The following CNIH4 variants were observed in gnomAD, a reference collection of about 807,000 sequenced individuals.
The protein encoded by CNIH4 is protein cornichon homolog 4.
CNIH4 carries 9 observed loss-of-function variants against 21.5 expected under a neutral mutation model. The ratio of observed to expected loss-of-function variants is 0.42; its 90% CI spans 0.25 to 0.73. CNIH4 has a LOEUF of 0.73. Among genes scored for constraint, CNIH4 ranks in the 30% least tolerant of loss-of-function variants. The probability of loss-of-function intolerance (pLI) is 0.27; values close to 1 mark genes in which losing one functional copy is unlikely to be tolerated. For synonymous variants in CNIH4, 67 were observed against 59.1 expected (o/e 1.13, Z -0.61); for missense variants, 159 against 170.0 (o/e 0.94, Z 0.36).
At chr1:224,369,012 G>A (rs1272792120) in intron 3 of CNIH4, among the ~76,000 whole-genome samples, 2 of 150,950 alleles carry the variant, frequency 1.3e-5, no homozygotes, top group East Asian at 1.9e-4. Context: ...CCTGTTATAA[G>A]CATTAATATA....
intron 4 of CNIH4, among the ~76,000 whole-genome samples, chr1:224,373,127 A>G (rs1672680033): frequency 6.6e-6 from 1 of 152,148 alleles, no homozygotes; most frequent in Non-Finnish European, 1.5e-5. Flanking sequence ...CTCATACCCT[A>G]CCTCATTACT....
intron 3 of CNIH4, among the ~76,000 whole-genome samples, chr1:224,369,162 C>T (rs934558519): frequency 7.9e-5 from 12 of 152,056 alleles, no homozygotes; most frequent in African/African-American, 2.9e-4. Context: ...GCTGAATGGT[C>T]TATTATGGTA....
chr1:224,376,463 T>C lies in CNIH4; in HGVS notation c.*641T>C. Reference sequence around the variant, plus strand: ...AAAGGAAATATTTTGTCAAGAGCTTTCATTTAAAAGCTACTACCTCCACAA... The same window carrying C: ...AAAGGAAATATTTTGTCAAGAGCTTCCATTTAAAAGCTACTACCTCCACAA... On this transcript the variant is annotated 3_prime_UTR_variant, in exon 5 of 5. Transcript: ENST00000465271. 1 of 985,416 alleles carries C rather than the reference T, an allele frequency of 1.0e-6. No individual in the cohort carries two copies. The highest frequency in any genetic ancestry group is 1.2e-6 in the Non-Finnish European group (1 of 829,918). 61.0% of individuals were successfully genotyped at this position (985,416 alleles called of 1,614,324 possible). A position where few individuals can be genotyped will look rare whatever the true frequency, so the allele number is the denominator to read the frequency against.
At chr1:224,367,619 T>C (rs1189545075) in intron 3 of CNIH4, among the ~76,000 whole-genome samples, 1 of 152,022 alleles carries the variant, frequency 6.6e-6, no homozygotes, top group Non-Finnish European at 1.5e-5. Context: ...ACTACAGCCT[T>C]GAACTCCTGG....
intron 4 of CNIH4, 130 bp downstream of exon 4, chr1:224,371,553 G>A: frequency 1.1e-6 from 1 of 889,970 alleles, no homozygotes; most frequent in Non-Finnish European, 1.7e-6. Flanking sequence ...TTGTGGCTGT[G>A]TAGATTATTT....
chr1:224,367,095 T>C (rs1672484710), intron 3 of CNIH4, among the ~76,000 whole-genome samples: 1 of 152,188 alleles, frequency 6.6e-6, no homozygotes, highest in South Asian at 2.1e-4. Context: ...TTATTAGACA[T>C]AGCATACTTT....
chr1:224,377,042 A>G lies in CNIH4; in HGVS notation c.*1220A>G. 6.5e-6 allele frequency: 3 copies of G among 458,146 alleles called. No individual in the cohort carries two copies. Among genetic ancestry groups the G allele is most frequent in the South Asian group, 1.9e-4 (2 of 10,696 alleles). 28.4% of individuals were successfully genotyped at this position (458,146 alleles called of 1,614,324 possible). A position where few individuals can be genotyped will look rare whatever the true frequency, so the allele number is the denominator to read the frequency against. On this transcript the variant is annotated 3_prime_UTR_variant, in exon 5 of 5. Transcript: ENST00000465271. ...TGGTACCCAAAAGATTAAATGTTAC[A>G]TGTCCTTTTAGTCCTTGACCAGGTC...
chr1:224,371,218 A>C, intron 3 of CNIH4, 65 bp from the exon 4 acceptor site: 2 of 1,512,370 alleles, frequency 1.3e-6, no homozygotes, highest in Non-Finnish European at 1.8e-6. Flanking sequence ...TTGGCTACTT[A>C]TATTTGAATA....
At chr1:224,371,652 C>T (rs1448626374) in intron 4 of CNIH4, among the ~76,000 whole-genome samples, 2 of 152,154 alleles carry the variant, frequency 1.3e-5, no homozygotes, top group African/African-American at 4.8e-5. Flanking sequence ...AGGCTATCCA[C>T]ATGCTTAAAA....
At position 224,378,155 on chromosome 1, in the gene CNIH4, A is replaced by G. The variant is rs1358109980; in HGVS notation, c.*2333A>G. The G allele has an allele frequency of 1.3e-5, 2 of 152,254 alleles. No homozygotes were observed. Among genetic ancestry groups the G allele is most frequent in the African/African-American group, 4.8e-5 (2 of 41,390 alleles). The allele number at this position is 152,254 out of a possible 1,614,324, so 9.4% of individuals were successfully genotyped here. A position where few individuals can be genotyped will look rare whatever the true frequency, so the allele number is the denominator to read the frequency against. On this transcript the variant is annotated 3_prime_UTR_variant, in exon 5 of 5. Coordinates refer to ENST00000465271, the MANE Select transcript of CNIH4 (RefSeq NM_014184.4). ...CTGCAGCCTTGAACTCCTGGACTCA[A>G]GCAGTCCTCCTGCCTCAGCTTCCCA...
chr1:224,374,626 G>T (rs1439761827), intron 4 of CNIH4, among the ~76,000 whole-genome samples: 10 of 149,902 alleles, frequency 6.7e-5, no homozygotes, highest in Non-Finnish European at 1.5e-4. Flanking sequence ...TGTTGGTCAG[G>T]TGATCCACCC....
Position 224,378,589 on chromosome 1 carries a change from G to GTGT in CNIH4, c.*2771_*2773dup, listed in dbSNP as rs1384109947. On this transcript the variant is annotated 3_prime_UTR_variant, in exon 5 of 5. Transcript: ENST00000465271. ...TGCTGAGGCCTAGAGATCGTTCAGG[G>GTGT]TGTTGTAACTGGGAACATCTGAATG... 2.3e-5 allele frequency: 3 copies of GTGT among 129,554 alleles called. No individual in the cohort carries two copies. The highest frequency in any genetic ancestry group is 4.9e-5 in the Non-Finnish European group (3 of 61,064). 8.0% of individuals were successfully genotyped at this position (129,554 alleles called of 1,614,324 possible). A position where few individuals can be genotyped will look rare whatever the true frequency, so the allele number is the denominator to read the frequency against.
intron 2 of CNIH4, among the ~76,000 whole-genome samples, chr1:224,364,677 G>C (rs917748963): frequency 6.6e-6 from 1 of 152,194 alleles, no homozygotes; most frequent in Non-Finnish European, 1.5e-5. Flanking sequence ...GCTCACGCCT[G>C]TAATCCCAGC....
chr1:224,360,146 G>T (rs1672236596), intron 1 of CNIH4, among the ~76,000 whole-genome samples: 1 of 152,000 alleles, frequency 6.6e-6, no homozygotes. Context: ...TGTTGCCTAT[G>T]CTGATCTTGA....
chr1:224,371,258 A>T (rs1672618428), intron 3 of CNIH4, 25 bp from the exon 4 acceptor site: 1 of 1,598,056 alleles, frequency 6.3e-7, no homozygotes, highest in Admixed American at 1.8e-5. Context: ...TATCCTTCTA[A>T]TGTGTGTATC....
chr1:224,367,342 C>T (rs986226835), intron 3 of CNIH4, among the ~76,000 whole-genome samples: 1 of 151,924 alleles, frequency 6.6e-6, no homozygotes, highest in African/African-American at 2.4e-5. Context: ...AAGATAATGG[C>T]AGCAGTAGAG....
rs1411530555 is a variant in CNIH4 at position 224,365,881 on chromosome 1, G to C, written c.141G>C (p.Trp47Cys). 6.3e-7 allele frequency: 1 copy of C among 1,578,638 alleles called. No homozygotes were observed. The highest frequency in any genetic ancestry group is 8.7e-7 in the Non-Finnish European group (1 of 1,147,756). ...AATACTGTGTTCTTCCATTGCAGTG[G>C]GTAATTCCAGAATTGATTGGCCATA... is the stretch of plus-strand genomic sequence containing the variant. ...ARSCCSKLNK[W>C]VIPELIGHTI... Residue 47 changes from tryptophan to cysteine, a missense_variant and splice_region_variant, in exon 3 of 5, where the codon TGG becomes TGC. Coordinates refer to ENST00000465271, the MANE Select transcript of CNIH4 (RefSeq NM_014184.4).
chr1:224,361,402 G>A (rs898048644), intron 2 of CNIH4, among the ~76,000 whole-genome samples: 15 of 151,980 alleles, frequency 9.9e-5, no homozygotes, highest in Non-Finnish European at 2.2e-4. Flanking sequence ...ATAGGTGTGA[G>A]CCACCGTGCC....
chr1:224,358,654 C>G (rs1672186080), intron 1 of CNIH4, among the ~76,000 whole-genome samples: 1 of 152,096 alleles, frequency 6.6e-6, no homozygotes, highest in South Asian at 2.1e-4. Flanking sequence ...ATTCTTCTTC[C>G]AGTGTGGCCC....
Sources: gnomAD v4.1 joint callset for allele counts (sites outside exome capture counted in the v4.1 genomes callset) on GRCh38, gnomAD v4.1.1 for gene constraint, MANE v1.5 for transcripts, NCBI Gene and HGNC (gene_info 2026-07-23, HGNC 2026-07-21) for gene names.